Variants in ST18 observed in about 807,000 individuals in gnomAD.
ST18 encodes suppression of tumorigenicity 18 protein.
Under a neutral mutation model 110.0 loss-of-function variants are expected in ST18, and 50 were observed. The observed-to-expected ratio is 0.45, with a 90% CI of 0.36 to 0.58. The LOEUF (loss-of-function observed/expected upper bound fraction) is 0.58, where lower values mean the gene tolerates loss of function less well. Ranked by LOEUF, ST18 falls within the 20% of genes least tolerant of loss-of-function variation. ST18 has a pLI of 0.00. For synonymous variants in ST18, 461 were observed against 452.4 expected, an observed-to-expected ratio of 1.02 and a Z score of -0.24; for missense variants, 1,306 against 1,280.1, an observed-to-expected ratio of 1.02 and a Z score of -0.31.
Position 52,278,540 on chromosome 8 carries a change from G to A in ST18, c.-464-48463C>T, listed in dbSNP as rs544440375. Among the ~76,000 whole-genome samples, 30 of 152,254 alleles carry A rather than the reference G, an allele frequency of 2.0e-4. No homozygotes were observed. The South Asian group carries it at 6.2e-3, about 32-fold the overall frequency. ...ATTCAATTTGGGAAGGAGATTTGGA[G>A]ATACCACCCCTTTTCCATCTACCCC... On this transcript the variant is annotated intron_variant, in intron 2 of 25. Transcript: ENST00000689386.
At chr8:52,343,137 A>T (rs148776520) in intron 2 of ST18, among the ~76,000 whole-genome samples, 1 of 152,228 alleles carries the variant, frequency 6.6e-6, no homozygotes, top group East Asian at 1.9e-4. Context: ...AAGAGACTGG[A>T]GGGCTCAGAA....
chr8:52,189,601 C>CA (rs2073765974), intron 8 of ST18, among the ~76,000 whole-genome samples: 1 of 152,166 alleles, frequency 6.6e-6, no homozygotes, highest in Admixed American at 6.5e-5. Context: ...AGGAAGTTCC[C>CA]AATGGTGAAG....
chr8:52,246,499 C>A (rs955048278), intron 2 of ST18: 1 of 152,064 alleles, frequency 6.6e-6, no homozygotes, highest in African/African-American at 2.4e-5. Context: ...TTTAGGTATG[C>A]TTTTGATAGC....
chr8:52,289,147 G>A (rs548076665), intron 2 of ST18, among the ~76,000 whole-genome samples: 2 of 152,302 alleles, frequency 1.3e-5, no homozygotes, highest in East Asian at 3.9e-4. Flanking sequence ...TCTACGGATG[G>A]CAAAAATAGG....
intron 22 of ST18, among the ~76,000 whole-genome samples, chr8:52,126,918 A>G (rs2047320375): frequency 6.6e-6 from 1 of 152,252 alleles, no homozygotes; most frequent in Non-Finnish European, 1.5e-5. Flanking sequence ...AACATTGAAG[A>G]AAACTTGTTT....
Position 52,159,063 on chromosome 8 carries a change from A to G in ST18, c.1641T>C (p.Ser547=), listed in dbSNP as rs762168311. 6.2e-7 allele frequency: 1 copy of G among 1,614,044 alleles called. No individual in the cohort carries two copies. The highest frequency in any genetic ancestry group is 8.5e-7 in the Non-Finnish European group (1 of 1,180,036). The change falls in exon 15 of 26, where the codon AGT becomes AGC. Residue 547 remains serine, a synonymous_variant. Coordinates refer to ENST00000689386, the MANE Select transcript of ST18 (RefSeq NM_001352837.2). The part of the protein sequence containing the change: ...NPVKFPNRLP[S]AGAHTQSPGR... ...CAGGGCTCTGGGTGTGGGCGCCTGC[A>G]CTAGGCAGTCGATTAGGAAATTTCA...
chr8:52,367,616 G>A (rs562103776), intron 2 of ST18, among the ~76,000 whole-genome samples: 29 of 152,208 alleles, frequency 1.9e-4, no homozygotes, highest in African/African-American at 6.5e-4. Flanking sequence ...AGAATGCAAC[G>A]AATTACAATA....
intron 2 of ST18, among the ~76,000 whole-genome samples, chr8:52,246,062 T>G (rs2093819391): frequency 6.6e-6 from 1 of 152,078 alleles, no homozygotes; most frequent in Non-Finnish European, 1.5e-5. Flanking sequence ...ATTTATAAAT[T>G]TGATGTAACA....
At chr8:52,348,370 G>C (rs1052426206) in intron 2 of ST18, among the ~76,000 whole-genome samples, 7 of 152,186 alleles carry the variant, frequency 4.6e-5, no homozygotes, top group Non-Finnish European at 7.3e-5. Context: ...GGCAGCTTCT[G>C]AACATCTTGG....
intron 2 of ST18, among the ~76,000 whole-genome samples, chr8:52,396,347 A>G (rs1011866053): frequency 2.0e-5 from 3 of 152,124 alleles, no homozygotes; most frequent in African/African-American, 4.8e-5. Flanking sequence ...TATCTTATGT[A>G]TAAGTGAGAT....
At chr8:52,280,526 T>C (rs1005799589) in intron 2 of ST18, among the ~76,000 whole-genome samples, 3 of 152,042 alleles carry the variant, frequency 2.0e-5, no homozygotes, top group Non-Finnish European at 4.4e-5. Context: ...TAAAAAGTTG[T>C]AAAATGTTGT....
intron 2 of ST18, among the ~76,000 whole-genome samples, chr8:52,388,960 T>G (rs1300209176): frequency 1.1e-4 from 12 of 110,994 alleles, no homozygotes; most frequent in Non-Finnish European, 2.1e-4. Flanking sequence ...AAACTTAAAG[T>G]ATAATAATAA....
chr8:52,209,629 G>A (rs2081365600), intron 8 of ST18, among the ~76,000 whole-genome samples: 1 of 151,628 alleles, frequency 6.6e-6, no homozygotes, highest in African/African-American at 2.4e-5. Context: ...AATTAGCCCG[G>A]CATGGTGGCT....
chr8:52,330,247 TA>T (rs1210895328), intron 2 of ST18, among the ~76,000 whole-genome samples: 14 of 152,206 alleles, frequency 9.2e-5, no homozygotes, highest in African/African-American at 3.4e-4. Context: ...TTTGCCAGTT[TA>T]ATGATCACTG....
chr8:52,398,137 A>G lies in ST18; in HGVS notation c.-465+11191T>C, dbSNP rs141211136. Among the ~76,000 whole-genome samples the G allele has an allele frequency of 1.2e-3, 178 of 152,238 alleles. 1 individual carries two copies. Among genetic ancestry groups the G allele is most frequent in the African/African-American group, 3.9e-3 (162 of 41,572 alleles). On this transcript the variant is annotated intron_variant, in intron 2 of 25. Coordinates refer to ENST00000689386, the MANE Select transcript of ST18 (RefSeq NM_001352837.2). ...GATGTTTTACAGTTTTCAGCATACA[A>G]ATCTTTCACTGTATTGGATAAATTT...
intron 2 of ST18, among the ~76,000 whole-genome samples, chr8:52,334,495 A>C (rs1172851969): frequency 1.3e-5 from 2 of 152,240 alleles, no homozygotes; most frequent in Admixed American, 6.5e-5. Flanking sequence ...AGAAAATTTA[A>C]ATGTATACAA....
intron 2 of ST18, among the ~76,000 whole-genome samples, chr8:52,388,027 G>A (rs1332788274): frequency 6.6e-6 from 1 of 151,688 alleles, no homozygotes; most frequent in Non-Finnish European, 1.5e-5. Context: ...TTTGAGGGGG[G>A]TCTATGTTTG....
At chr8:52,155,705 T>A (rs1342690005) in intron 15 of ST18, among the ~76,000 whole-genome samples, 1 of 152,124 alleles carries the variant, frequency 6.6e-6, no homozygotes, top group Non-Finnish European at 1.5e-5. Flanking sequence ...GAAATCAAAG[T>A]TTTTTTGCCC....
intron 2 of ST18, among the ~76,000 whole-genome samples, chr8:52,243,577 C>T (rs965591860): frequency 1.3e-5 from 2 of 152,084 alleles, no homozygotes; most frequent in Non-Finnish European, 2.9e-5. Context: ...GGAAGGGCAT[C>T]TTCACATCTC....
Sources: allele counts gnomAD v4.1 joint callset (sites outside exome capture counted in the v4.1 genomes callset), GRCh38; gene constraint gnomAD v4.1.1; transcripts MANE v1.5; gene names NCBI Gene and HGNC (gene_info 2026-07-23, HGNC 2026-07-21).